Variants in CSNK2A2IP observed in about 807,000 individuals in gnomAD.
The protein encoded by CSNK2A2IP is casein kinase 2 subunit alpha' interacting protein, also known as casein kinase II subunit alpha'-interacting protein.
chr3:88,400,569 G>A, the CSNK2A2IP span, among the ~76,000 whole-genome samples: 1 of 152,112 alleles, frequency 6.6e-6, no homozygotes, highest in Non-Finnish European at 1.5e-5. Context: ...CTTTAAAATT[G>A]GAGATCATTT....
chr3:88,431,298 T>C, the CSNK2A2IP span: 18 of 152,216 alleles, frequency 1.2e-4, no homozygotes, highest in Admixed American at 1.1e-3. Context: ...CTACTGCACT[T>C]GATAGTCTTA....
At chr3:88,381,776 G>C in the CSNK2A2IP span, among the ~76,000 whole-genome samples, 15 of 152,128 alleles carry the variant, frequency 9.9e-5, no homozygotes, top group Non-Finnish European at 2.2e-4. Context: ...CTATAAGATT[G>C]GTTTCAGAAT....
At chr3:88,367,600 T>G in the CSNK2A2IP span, among the ~76,000 whole-genome samples, 67,827 of 151,934 alleles carry the variant, frequency 0.45, 16,234 homozygotes, top group South Asian at 0.62. Flanking sequence ...TTTCAAAACT[T>G]GCCTTTAACT....
chr3:88,360,176 C>T, the CSNK2A2IP span, among the ~76,000 whole-genome samples: 1 of 150,320 alleles, frequency 6.7e-6, no homozygotes, highest in Admixed American at 6.6e-5. Flanking sequence ...CTCTCTGTTG[C>T]CCAGGCTGGA....
chr3:88,370,230 G>T, the CSNK2A2IP span, among the ~76,000 whole-genome samples: 4,412 of 151,950 alleles, frequency 0.029, 119 homozygotes, highest in East Asian at 0.13. Context: ...TGGGATACAG[G>T]TGCCATAGTA....
chr3:88,379,881 T>C, the CSNK2A2IP span, among the ~76,000 whole-genome samples: 1 of 152,180 alleles, frequency 6.6e-6, no homozygotes, highest in Admixed American at 6.6e-5. Context: ...TTTAACATGC[T>C]AAGGCTATCT....
the CSNK2A2IP span, among the ~76,000 whole-genome samples, chr3:88,407,201 A>G: frequency 6.8e-6 from 1 of 148,064 alleles, no homozygotes; most frequent in Non-Finnish European, 1.5e-5. Context: ...GGAATTACTT[A>G]CTCTATCATG....
chr3:88,383,307 A>T, the CSNK2A2IP span, among the ~76,000 whole-genome samples: 6 of 152,334 alleles, frequency 3.9e-5, no homozygotes, highest in South Asian at 1.0e-3. Flanking sequence ...CATAATCTCT[A>T]ATCTAAAATC....
At chr3:88,452,438 A>G in the CSNK2A2IP span, among the ~76,000 whole-genome samples, 1 of 152,172 alleles carries the variant, frequency 6.6e-6, no homozygotes, top group African/African-American at 2.4e-5. Flanking sequence ...TCAGCACTCC[A>G]CATGCTAAGC....
chr3:88,451,518 C>A, the CSNK2A2IP span, among the ~76,000 whole-genome samples: 1 of 151,506 alleles, frequency 6.6e-6, no homozygotes, highest in Non-Finnish European at 1.5e-5. Context: ...AACTCAATAA[C>A]CTCAGTCATC....
the CSNK2A2IP span, among the ~76,000 whole-genome samples, chr3:88,421,844 A>G: frequency 1.3e-5 from 2 of 152,210 alleles, no homozygotes; most frequent in African/African-American, 4.8e-5. Flanking sequence ...CAGTGTTGTA[A>G]GCTTATCCAT....
chr3:88,431,353 G>A, the CSNK2A2IP span: 2 of 152,306 alleles, frequency 1.3e-5, no homozygotes, highest in African/African-American at 4.8e-5. Context: ...GGTAACTCAG[G>A]AATGGAAAAC....
the CSNK2A2IP span, among the ~76,000 whole-genome samples, chr3:88,455,619 G>A: frequency 6.6e-6 from 1 of 151,652 alleles, no homozygotes; most frequent in Non-Finnish European, 1.5e-5. Context: ...TCGGATATAT[G>A]GTTTGCACAT....
chr3:88,371,749 A>G, the CSNK2A2IP span, among the ~76,000 whole-genome samples: 1 of 151,770 alleles, frequency 6.6e-6, no homozygotes, highest in African/African-American at 2.4e-5. Context: ...ATCTACACAT[A>G]TTATAGTTAA....
At chr3:88,342,252 T>C in the CSNK2A2IP span, among the ~76,000 whole-genome samples, 1 of 152,044 alleles carries the variant, frequency 6.6e-6, no homozygotes, top group African/African-American at 2.4e-5. Flanking sequence ...GCTGCCTCCT[T>C]ACATATTAAG....
chr3:88,436,767 G>T, the CSNK2A2IP span, among the ~76,000 whole-genome samples: 1 of 152,036 alleles, frequency 6.6e-6, no homozygotes, highest in Non-Finnish European at 1.5e-5. Flanking sequence ...GAGTTTGCTG[G>T]ATAGTTACCT....
chr3:88,450,726 G>A, the CSNK2A2IP span, among the ~76,000 whole-genome samples: 1 of 151,854 alleles, frequency 6.6e-6, no homozygotes, highest in African/African-American at 2.4e-5. Flanking sequence ...TACATGTGGA[G>A]TACAGTTTCT....
chr3:88,360,462 C>T, the CSNK2A2IP span, among the ~76,000 whole-genome samples: 2 of 152,102 alleles, frequency 1.3e-5, no homozygotes, highest in Admixed American at 6.6e-5. Context: ...TCCATTTTAT[C>T]TCATGTAAGT....
chr3:88,348,908 T>G, the CSNK2A2IP span, among the ~76,000 whole-genome samples: 12 of 152,160 alleles, frequency 7.9e-5, no homozygotes, highest in East Asian at 2.3e-3. Context: ...CTTTTATGTT[T>G]TTTTCTTTCT....
Sources: gnomAD v4.1 joint callset for allele counts (sites outside exome capture counted in the v4.1 genomes callset) on GRCh38, gnomAD v4.1.1 for gene constraint, MANE v1.5 for transcripts, NCBI Gene and HGNC (gene_info 2026-07-23, HGNC 2026-07-21) for gene names.